Variants in SRD5A3 observed in about 807,000 individuals in gnomAD.
The protein encoded by SRD5A3 is polyprenal reductase.
SRD5A3 carries 24 observed loss-of-function variants against 34.3 expected under a neutral mutation model. That is an observed-to-expected ratio of 0.70 (90% CI 0.51 to 0.99). The LOEUF (loss-of-function observed/expected upper bound fraction) is 0.99. Among genes scored for constraint, SRD5A3 ranks in the 50% least tolerant of loss-of-function variants. SRD5A3 has a pLI of 0.00. For missense variants in SRD5A3, 350 were observed against 388.2 expected (o/e 0.90, Z 0.83); for synonymous variants, 161 against 167.3 (o/e 0.96, Z 0.29).
At chr4:55,348,883 T>A (rs1719088931) in intron 1 of SRD5A3, among the ~76,000 whole-genome samples, 1 of 152,224 alleles carries the variant, frequency 6.6e-6, no homozygotes, top group Non-Finnish European at 1.5e-5. Flanking sequence ...CATGTGAAGC[T>A]CAATCTGTGT....
intron 3 of SRD5A3, 83 bp downstream of exon 3, chr4:55,364,354 T>C: frequency 6.8e-7 from 1 of 1,465,642 alleles, no homozygotes; most frequent in South Asian, 1.2e-5. Flanking sequence ...CTAAGCATTA[T>C]GAGACATGCA....
chr4:55,354,969 C>T (rs1719391094), intron 1 of SRD5A3, among the ~76,000 whole-genome samples: 2 of 152,186 alleles, frequency 1.3e-5, no homozygotes, highest in African/African-American at 4.8e-5. Context: ...CATTCAGCAC[C>T]TTGTATTATC....
At chr4:55,359,596 A>G in intron 2 of SRD5A3, 108 bp downstream of exon 2, 1 of 1,455,888 alleles carries the variant, frequency 6.9e-7, no homozygotes, top group Non-Finnish European at 9.4e-7. Flanking sequence ...CCTCCTCAGA[A>G]GGGCCTGGGA....
At chr4:55,358,535 C>CAAA (rs576702969) in intron 1 of SRD5A3, among the ~76,000 whole-genome samples, 1,729 of 112,608 alleles carry the variant, frequency 0.015, 54 homozygotes, top group African/African-American at 0.056. Context: ...GACCCTGTCT[C>CAAA]AAAAAAAAAA....
At chr4:55,368,027 G>C (rs978966063) in intron 4 of SRD5A3, among the ~76,000 whole-genome samples, 2 of 152,102 alleles carry the variant, frequency 1.3e-5, no homozygotes, top group African/African-American at 4.8e-5. Context: ...TGACCTTTAA[G>C]TTAGCTTGTG....
At chr4:55,363,587 C>T (rs1719768655) in intron 2 of SRD5A3, among the ~76,000 whole-genome samples, 1 of 152,074 alleles carries the variant, frequency 6.6e-6, no homozygotes, top group Non-Finnish European at 1.5e-5. Context: ...AGATCTTGGG[C>T]TCAGCATGCC....
rs1719957408 is a variant in SRD5A3, at chr4:55,367,706, C to G, written c.681C>G (p.Leu227=). ...AGTGCCATGTTATTCTCGGCAATCT[C>G]AGGAAAAATAAAGCAGGTGAGACCT... ...QYKCHVILGN[L]RKNKAGVVIH... is the part of the protein sequence containing the mutation. The change falls in exon 4 of 5, where the codon CTC becomes CTG. Residue 227 remains leucine (L), a synonymous_variant. Transcript: ENST00000264228. 1 of 1,614,134 alleles carries G rather than the reference C, an allele frequency of 6.2e-7. No homozygotes were observed. The highest frequency in any genetic ancestry group is 8.5e-7 in the Non-Finnish European group (1 of 1,180,022).
At chr4:55,369,114 C>T (rs1720023137) in intron 4 of SRD5A3, among the ~76,000 whole-genome samples, 1 of 152,164 alleles carries the variant, frequency 6.6e-6, no homozygotes, top group Non-Finnish European at 1.5e-5. Flanking sequence ...TTACATATAG[C>T]TTCACAATGC....
At chr4:55,353,511 G>A (rs1186964359) in intron 1 of SRD5A3, among the ~76,000 whole-genome samples, 8 of 152,192 alleles carry the variant, frequency 5.3e-5, no homozygotes, top group African/African-American at 1.2e-4. Flanking sequence ...CTGGCCACCC[G>A]AGCCAGCAGC....
intron 1 of SRD5A3, among the ~76,000 whole-genome samples, chr4:55,353,956 C>T (rs1323321480): frequency 1.3e-5 from 2 of 152,198 alleles, no homozygotes; most frequent in Non-Finnish European, 2.9e-5. Context: ...GACACAATAG[C>T]ACCTGCTGGT....
In SRD5A3 at chr4:55,346,551, C is replaced by G. The variant is rs1187954385; in HGVS notation, c.215C>G (p.Pro72Arg). 6.3e-7 allele frequency: 1 copy of G among 1,586,518 alleles called. No individual in the cohort carries two copies. Among genetic ancestry groups the G allele is most frequent in the East Asian group, 2.4e-5 (1 of 41,636 alleles). Residue 72 changes from proline (P) to arginine (R), a missense_variant, in exon 1 of 5, where the codon CCC (proline) becomes CGC (arginine). By Grantham distance (103) the Pro-to-Arg change is moderately radical (BLOSUM62 -2). Transcript: ENST00000264228. The part of the protein sequence containing the change: ...RPAACRAFDV[P>R]KRYFSHFYII... ...GCCGCCTGCCGAGCCTTTGATGTCC[C>G]CAAGAGGTAACCGCGCCCCGGTCCC...
At chr4:55,363,345 G>A (rs969338759) in intron 2 of SRD5A3, among the ~76,000 whole-genome samples, 2 of 152,092 alleles carry the variant, frequency 1.3e-5, no homozygotes, top group African/African-American at 2.4e-5. Context: ...TGAGACAGAG[G>A]ATCACTTGAG....
chr4:55,367,677 T>C lies in SRD5A3; in HGVS notation c.652T>C (p.Tyr218His), dbSNP rs1162576407. The C allele has an allele frequency of 6.2e-7, 1 of 1,613,932 alleles. No individual in the cohort carries two copies. Among genetic ancestry groups the C allele is most frequent in the Admixed American group, 1.7e-5 (1 of 60,016 alleles). The change falls in exon 4 of 5, where the codon TAT (tyrosine) becomes CAT (histidine). Residue 218 changes from tyrosine to histidine, a missense_variant. Around this residue, in one of 3 missense-constraint regions of SRD5A3, gnomAD observed 186 missense variants for 221.4 expected, o/e 0.84. Transcript: ENST00000264228. ...GTTCATCTGGTCATCTGCCCATCAG[T>C]ATAAGTGCCATGTTATTCTCGGCAA... ...MMFIWSSAHQYKCHVILGNLR... is the reference protein window; with the variant it reads ...MMFIWSSAHQHKCHVILGNLR...
intron 1 of SRD5A3, among the ~76,000 whole-genome samples, chr4:55,355,331 G>GC (rs1347620279): frequency 2.6e-5 from 4 of 152,004 alleles, no homozygotes; most frequent in African/African-American, 9.7e-5. Context: ...GGTGGCGGGC[G>GC]CCTATAGTTC....
intron 1 of SRD5A3, chr4:55,359,063 CAG>C: frequency 2.4e-6 from 1 of 408,248 alleles, no homozygotes; most frequent in Non-Finnish European, 4.6e-6. Flanking sequence ...ACCCAGCAAT[CAG>C]AGAGATTGCT....
At chr4:55,362,080 G>C (rs113531854) in intron 2 of SRD5A3, among the ~76,000 whole-genome samples, 1 of 151,702 alleles carries the variant, frequency 6.6e-6, no homozygotes, top group African/African-American at 2.4e-5. Flanking sequence ...TGGGAAGTTT[G>C]GGGGAGGGGT....
chr4:55,353,966 T>G (rs535103940), intron 1 of SRD5A3, among the ~76,000 whole-genome samples: 2 of 152,312 alleles, frequency 1.3e-5, no homozygotes, highest in East Asian at 3.9e-4. Context: ...CACCTGCTGG[T>G]CTCATTGGTG....
chr4:55,367,937 G>A (rs1189771661), intron 4 of SRD5A3, among the ~76,000 whole-genome samples: 1 of 152,106 alleles, frequency 6.6e-6, no homozygotes, highest in Non-Finnish European at 1.5e-5. Flanking sequence ...CTGACATTCT[G>A]TGATTCTACG....
At chr4:55,364,395 A>C in intron 3 of SRD5A3, 124 bp downstream of exon 3, 3 of 1,135,160 alleles carry the variant, frequency 2.6e-6, no homozygotes, top group Non-Finnish European at 3.9e-6. Flanking sequence ...TGCATTTTGC[A>C]TTTCAGGAGA....
Sources: allele counts gnomAD v4.1 joint callset (sites outside exome capture counted in the v4.1 genomes callset), GRCh38; gene constraint gnomAD v4.1.1; regional missense constraint gnomAD v4.1.1; transcripts MANE v1.5; gene names NCBI Gene and HGNC (gene_info 2026-07-23, HGNC 2026-07-21).